The following RSU1 variants were observed in gnomAD, a reference collection of about 807,000 sequenced individuals.
RSU1 encodes the protein rsu-1.
RSU1 carries 26 observed loss-of-function variants against 31.1 expected under a neutral mutation model. The ratio of observed to expected loss-of-function variants is 0.84; its 90% CI spans 0.61 to 1.16. RSU1 has a LOEUF of 1.16. Among genes scored for constraint, RSU1 ranks in the 50% most tolerant of loss-of-function variants. RSU1 has a pLI of 0.00. For synonymous variants in RSU1, 164 were observed against 136.3 expected (o/e 1.20, Z -1.41); for missense variants, 320 against 339.1 (o/e 0.94, Z 0.44).
chr10:16,770,245 C>T (rs3780976), intron 3 of RSU1, among the ~76,000 whole-genome samples: 3,531 of 152,064 alleles, frequency 0.023, 103 homozygotes, highest in East Asian at 0.07. Flanking sequence ...GCAGGCACCA[C>T]GCAAAAAACA....
At chr10:16,606,033 A>G (rs925161486) in intron 8 of RSU1, among the ~76,000 whole-genome samples, 8 of 152,070 alleles carry the variant, frequency 5.3e-5, no homozygotes, top group African/African-American at 1.7e-4. Flanking sequence ...GATTACAGGC[A>G]CACCTTGCCA....
intron 8 of RSU1, among the ~76,000 whole-genome samples, chr10:16,655,839 T>G (rs1223311596): frequency 6.6e-6 from 1 of 152,214 alleles, no homozygotes; most frequent in Non-Finnish European, 1.5e-5. Flanking sequence ...ACGCCCAATA[T>G]ATCTTAGTAC....
intron 7 of RSU1, among the ~76,000 whole-genome samples, chr10:16,711,423 A>G (rs1836016809): frequency 6.6e-6 from 1 of 151,832 alleles, no homozygotes; most frequent in Non-Finnish European, 1.5e-5. Flanking sequence ...CTTTCCTTCT[A>G]TCAATTTTGG....
At chr10:16,749,152 T>C (rs919691383) in intron 7 of RSU1, among the ~76,000 whole-genome samples, 12 of 152,204 alleles carry the variant, frequency 7.9e-5, no homozygotes, top group African/African-American at 1.4e-4. Flanking sequence ...TCATTTCTTA[T>C]AGGTATATAG....
Position 16,593,320 on chromosome 10 carries a change from G to A in RSU1, c.*74C>T. ...CTCACACGCAGCATTGGGTTTATTTGAGAGACAGGGCAAGAGAGAATGAAG... is the reference window on the plus strand; with the variant it reads ...CTCACACGCAGCATTGGGTTTATTTAAGAGACAGGGCAAGAGAGAATGAAG... On this transcript the variant is annotated 3_prime_UTR_variant, in exon 9 of 9. Transcript: ENST00000345264. 2 of 1,603,548 alleles carry A rather than the reference G, an allele frequency of 1.2e-6. No homozygotes were observed. The highest frequency in any genetic ancestry group is 1.1e-5 in the South Asian group (1 of 90,016).
At chr10:16,622,175 A>T (rs1834081921) in intron 8 of RSU1, among the ~76,000 whole-genome samples, 1 of 152,222 alleles carries the variant, frequency 6.6e-6, no homozygotes, top group Non-Finnish European at 1.5e-5. Flanking sequence ...CTCCCCTGAA[A>T]AAGTGTTTCT....
At chr10:16,675,541 G>A (rs1485210805) in intron 8 of RSU1, among the ~76,000 whole-genome samples, 1 of 152,154 alleles carries the variant, frequency 6.6e-6, no homozygotes, top group Non-Finnish European at 1.5e-5. Context: ...GCCAATTCCA[G>A]AACACTAGAG....
At chr10:16,669,477 C>A (rs780560478) in intron 8 of RSU1, among the ~76,000 whole-genome samples, 4 of 152,142 alleles carry the variant, frequency 2.6e-5, no homozygotes, top group African/African-American at 9.7e-5. Context: ...TACTTACCCA[C>A]CCCAGGGAAA....
At chr10:16,667,196 C>G (rs1835010906) in intron 8 of RSU1, among the ~76,000 whole-genome samples, 1 of 152,196 alleles carries the variant, frequency 6.6e-6, no homozygotes, top group African/African-American at 2.4e-5. Flanking sequence ...GAAATCATCT[C>G]TGGGAAGCAA....
At chr10:16,662,989 AC>A (rs397818355) in intron 8 of RSU1, among the ~76,000 whole-genome samples, 2 of 145,988 alleles carry the variant, frequency 1.4e-5, no homozygotes, top group African/African-American at 5.5e-5. Context: ...AAAAAAAAAA[AC>A]CCTCTAAGTT....
chr10:16,816,147 C>A (rs11254221), intron 2 of RSU1, among the ~76,000 whole-genome samples: 3,951 of 152,314 alleles, frequency 0.026, 60 homozygotes, highest in Non-Finnish European at 0.038. Context: ...TAGTAGCCAA[C>A]ATCTAAAAAT....
chr10:16,639,136 C>G (rs1834396638), intron 8 of RSU1, among the ~76,000 whole-genome samples: 1 of 152,182 alleles, frequency 6.6e-6, no homozygotes, highest in Non-Finnish European at 1.5e-5. Flanking sequence ...CTTCTGAACT[C>G]ATTATGTATA....
intron 7 of RSU1, among the ~76,000 whole-genome samples, chr10:16,739,062 T>G (rs1165217821): frequency 6.6e-6 from 1 of 152,224 alleles, no homozygotes; most frequent in African/African-American, 2.4e-5. Context: ...TATGGCTGCA[T>G]AGTATTCCAT....
Position 16,654,641 on chromosome 10 carries a change from C to T in RSU1, c.731+40382G>A, listed in dbSNP as rs557647935. Among the ~76,000 whole-genome samples the T allele has an allele frequency of 3.4e-3, 510 of 150,408 alleles. 6 individuals are homozygous for T. The highest frequency in any genetic ancestry group is 0.012 in the African/African-American group (485 of 40,726). On this transcript the variant is annotated intron_variant, in intron 8 of 8. Coordinates refer to ENST00000345264, the MANE Select transcript of RSU1 (RefSeq NM_012425.4). ...GGCAGACTGCACCACTGTATTCCAG[C>T]CTGAGTGACAGAGTGAGACTCCATC...
At chr10:16,662,018 T>G (rs1488328501) in intron 8 of RSU1, among the ~76,000 whole-genome samples, 1 of 152,226 alleles carries the variant, frequency 6.6e-6, no homozygotes, top group Non-Finnish European at 1.5e-5. Context: ...CATTTCTATA[T>G]GTATATTTTG....
chr10:16,684,192 G>T (rs916884736), intron 8 of RSU1, among the ~76,000 whole-genome samples: 1 of 152,202 alleles, frequency 6.6e-6, no homozygotes, highest in African/African-American at 2.4e-5. Flanking sequence ...GGATGGCTGT[G>T]CAGGGCCATT....
intron 4 of RSU1, among the ~76,000 whole-genome samples, chr10:16,762,898 A>T (rs1837237139): frequency 2.0e-5 from 3 of 152,004 alleles, no homozygotes; most frequent in Non-Finnish European, 4.4e-5. Flanking sequence ...CTGTAGTCCC[A>T]GCTACTCGGG....
At chr10:16,691,728 T>A in intron 8 of RSU1, among the ~76,000 whole-genome samples, 1 of 61,626 alleles carries the variant, frequency 1.6e-5, no homozygotes, top group African/African-American at 4.7e-5. Flanking sequence ...GCTTCTTTTT[T>A]TTTTTTTTTT....
chr10:16,625,342 G>A (rs1834136655), intron 8 of RSU1, among the ~76,000 whole-genome samples: 1 of 152,160 alleles, frequency 6.6e-6, no homozygotes, highest in Admixed American at 6.5e-5. Context: ...CATGATGGCC[G>A]GAGGCTCACC....
Sources: allele counts gnomAD v4.1 joint callset (sites outside exome capture counted in the v4.1 genomes callset), GRCh38; gene constraint gnomAD v4.1.1; transcripts MANE v1.5; gene names NCBI Gene and HGNC (gene_info 2026-07-23, HGNC 2026-07-21).